PMP22: variants seen among roughly 807,000 people sequenced by gnomAD.
PMP22 encodes the protein peripheral myelin protein 22, also known as Charcot-Marie-Tooth neuropathy 1A (greatly reduced nerve conduction velocity, hereditary motor sensory neuropathy Ia).
PMP22 carries 2 observed loss-of-function variants against 18.9 expected under a neutral mutation model. The observed-to-expected ratio is 0.11, with a 90% CI of 0.04 to 0.33. PMP22 has a LOEUF of 0.33. PMP22 is among the 10% of genes least tolerant of loss of function. The pLI is 1.00. For synonymous variants in PMP22, 95 were observed against 89.2 expected, an observed-to-expected ratio of 1.07 and a Z score of -0.37; for missense variants, 169 against 202.2, an observed-to-expected ratio of 0.84 and a Z score of 1.00.
At chr17:15,260,338 A>G in intron 2 of PMP22, 1 of 420,212 alleles carries the variant, frequency 2.4e-6, no homozygotes, top group Non-Finnish European at 4.4e-6. Flanking sequence ...ACGAGGCTGC[A>G]TCAAGAAAAA....
Position 15,231,046 on chromosome 17 carries a change from C to A in PMP22, c.354G>T (p.Thr118=), listed in dbSNP as rs776275784. 4 of 1,614,066 alleles carry A rather than the reference C, an allele frequency of 2.5e-6. No homozygotes were observed. In the South Asian group the frequency reaches 4.4e-5, roughly 18 times the overall value. Residue 118 remains threonine (T), a synonymous_variant, in exon 5 of 5, where the codon ACG becomes ACT. Transcript: ENST00000312280. ...LCVMSAAAIY[T]VRHPEWHLNS... is the part of the protein sequence containing the mutation. ...TGAGATGCCACTCCGGGTGCCTCAC[C>A]GTGTAGATGGCCGCAGCACTCATCA... is the stretch of plus-strand genomic sequence containing the variant.
chr17:15,260,024 GCCAC>G (rs1436843285), intron 2 of PMP22, among the ~76,000 whole-genome samples: 1 of 151,560 alleles, frequency 6.6e-6, no homozygotes, highest in Non-Finnish European at 1.5e-5. Context: ...AGAAGTGAAA[GCCAC>G]CACTGGAAAA....
At chr17:15,231,550 A>G (rs1906354547) in intron 4 of PMP22, among the ~76,000 whole-genome samples, 1 of 152,232 alleles carries the variant, frequency 6.6e-6, no homozygotes, top group African/African-American at 2.4e-5. Flanking sequence ...CCATGGTAAA[A>G]GGATTAAGCT....
At chr17:15,265,053 A>G (rs1909617074) in intron 1 of PMP22, 101 bp downstream of exon 1, 1 of 152,202 alleles carries the variant, frequency 6.6e-6, no homozygotes, top group Admixed American at 6.5e-5. Context: ...TCTCTCCTGC[A>G]ATCCTTTTCA....
At chr17:15,232,760 T>A (rs1052867989) in intron 4 of PMP22, 3 of 152,170 alleles carry the variant, frequency 2.0e-5, no homozygotes, top group African/African-American at 7.2e-5. Flanking sequence ...AGGAGCTGAG[T>A]GGACCAGCTA....
chr17:15,244,000 C>T (rs1050686163), intron 3 of PMP22, among the ~76,000 whole-genome samples: 1 of 151,862 alleles, frequency 6.6e-6, no homozygotes, highest in African/African-American at 2.4e-5. Flanking sequence ...ACAGACAATA[C>T]ATAGTGTTGG....
intron 2 of PMP22, 70 bp downstream of exon 2, chr17:15,260,580 A>G: frequency 1.6e-6 from 2 of 1,266,266 alleles, no homozygotes; most frequent in Non-Finnish European, 1.1e-6. Flanking sequence ...CTGAACCAGC[A>G]GGAGCACGGG....
At chr17:15,231,183 T>TCTTC in intron 4 of PMP22, 103 bp from the exon 5 acceptor site, 1 of 1,138,314 alleles carries the variant, frequency 8.8e-7, no homozygotes, top group Non-Finnish European at 1.3e-6. Context: ...GAAGAACATT[T>TCTTC]CTACCTCTGG....
intron 3 of PMP22, among the ~76,000 whole-genome samples, chr17:15,242,271 A>AAAAAGAG (rs1907405442): frequency 6.6e-6 from 1 of 150,876 alleles, no homozygotes; most frequent in Non-Finnish European, 1.5e-5. Context: ...AAAAAAAAAA[A>AAAAAGAG]AAAAGAGAGA....
chr17:15,257,602 G>A (rs1350082699), intron 3 of PMP22, among the ~76,000 whole-genome samples: 5 of 152,216 alleles, frequency 3.3e-5, no homozygotes, highest in South Asian at 2.1e-4. Context: ...GGGAGAAACC[G>A]GATGCTGTGG....
chr17:15,238,165 G>C (rs1416368771), intron 4 of PMP22, among the ~76,000 whole-genome samples: 1 of 152,168 alleles, frequency 6.6e-6, no homozygotes, highest in Non-Finnish European at 1.5e-5. Context: ...GGTGTCATAA[G>C]ACATGTGTAA....
chr17:15,248,836 G>GACTTGT (rs1220985346), intron 3 of PMP22, among the ~76,000 whole-genome samples: 1 of 152,196 alleles, frequency 6.6e-6, no homozygotes, highest in Non-Finnish European at 1.5e-5. Flanking sequence ...TTTATCAGGA[G>GACTTGT]ACTTGTTTTT....
intron 3 of PMP22, among the ~76,000 whole-genome samples, chr17:15,252,819 C>A (rs1247883801): frequency 1.3e-5 from 2 of 152,220 alleles, no homozygotes; most frequent in African/African-American, 4.8e-5. Context: ...CTGGGTCCTG[C>A]CTCATCACTG....
intron 4 of PMP22, 145 bp downstream of exon 4, chr17:15,239,326 C>A (rs1237332854): frequency 6.5e-6 from 6 of 923,726 alleles, no homozygotes; most frequent in Admixed American, 5.3e-5. Flanking sequence ...CACATACAAG[C>A]ACCCACCCTC....
chr17:15,248,648 G>A (rs1240534452), intron 3 of PMP22, among the ~76,000 whole-genome samples: 2 of 152,048 alleles, frequency 1.3e-5, no homozygotes, highest in South Asian at 2.1e-4. Flanking sequence ...GGGAAACAGA[G>A]TAGGCTTTGT....
intron 3 of PMP22, chr17:15,251,509 C>T (rs1056401761): frequency 6.5e-6 from 1 of 154,144 alleles, no homozygotes; most frequent in South Asian, 2.0e-4. Flanking sequence ...ACAAAAGAGG[C>T]TCTCTTGAAG....
chr17:15,233,422 T>TA, intron 4 of PMP22, among the ~76,000 whole-genome samples: 1 of 152,332 alleles, frequency 6.6e-6, no homozygotes, highest in East Asian at 1.9e-4. Flanking sequence ...TCAGGATGGG[T>TA]AGGTCTGCAA....
At chr17:15,247,720 C>T (rs1024231109) in intron 3 of PMP22, among the ~76,000 whole-genome samples, 1 of 152,166 alleles carries the variant, frequency 6.6e-6, no homozygotes, top group African/African-American at 2.4e-5. Context: ...ACCAACCCTG[C>T]CCCATATCAA....
intron 4 of PMP22, among the ~76,000 whole-genome samples, chr17:15,231,735 G>A (rs556061889): frequency 1.3e-5 from 2 of 152,312 alleles, no homozygotes; most frequent in South Asian, 4.1e-4. Context: ...CTGCAGAGGG[G>A]GAAGATGATC....
Sources: allele counts gnomAD v4.1 joint callset (sites outside exome capture counted in the v4.1 genomes callset), GRCh38; gene constraint gnomAD v4.1.1; transcripts MANE v1.5; gene names NCBI Gene and HGNC (gene_info 2026-07-23, HGNC 2026-07-21).